PLXDC2: variants seen among roughly 807,000 people sequenced by gnomAD.
The protein encoded by PLXDC2 is plexin domain-containing protein 2.
Under a neutral mutation model 68.9 loss-of-function variants are expected in PLXDC2, and 40 were observed. The ratio of observed to expected loss-of-function variants is 0.58; its 90% CI spans 0.45 to 0.76. PLXDC2 has a LOEUF of 0.76. PLXDC2 is among the 30% of genes least tolerant of loss of function. The pLI is 0.00. For synonymous variants in PLXDC2, 243 were observed against 234.2 expected, an observed-to-expected ratio of 1.04 and a Z score of -0.34; for missense variants, 644 against 661.9, an observed-to-expected ratio of 0.97 and a Z score of 0.30.
At chr10:20,057,918 G>A (rs1836027162) in intron 3 of PLXDC2, among the ~76,000 whole-genome samples, 1 of 135,634 alleles carries the variant, frequency 7.4e-6, no homozygotes. Context: ...ACACGAATCT[G>A]CATTAAAAAA....
chr10:20,021,901 G>A (rs1178828792), intron 2 of PLXDC2, among the ~76,000 whole-genome samples: 5 of 151,916 alleles, frequency 3.3e-5, no homozygotes, highest in South Asian at 2.1e-4. Context: ...GCTTCACCAC[G>A]TTGGTCAGGC....
At chr10:20,064,730 T>C (rs1355297391) in intron 3 of PLXDC2, among the ~76,000 whole-genome samples, 2 of 152,174 alleles carry the variant, frequency 1.3e-5, no homozygotes, top group African/African-American at 4.8e-5. Flanking sequence ...CTAGAAATCT[T>C]AGAAACCTGT....
chr10:19,979,595 C>T (rs1399894805), intron 1 of PLXDC2, among the ~76,000 whole-genome samples: 1 of 152,170 alleles, frequency 6.6e-6, no homozygotes, highest in Non-Finnish European at 1.5e-5. Context: ...TGGTCTTGAA[C>T]TCCTGAACTC....
At position 20,282,171 on chromosome 10, in the gene PLXDC2, G is replaced by A. The variant is rs921466921; in HGVS notation, c.*2352G>A. 3.9e-5 allele frequency: 6 copies of A among 152,274 alleles called. No individual in the cohort carries two copies. The highest frequency in any genetic ancestry group is 1.9e-4 in the East Asian group (1 of 5,174). The allele number at this position is 152,274 out of a possible 1,614,324, so 9.4% of individuals were successfully genotyped here. ...AGAGAAAACTTCTTGAAACTGGAGTGTGGGAAAACTTCTTAACAGAACTAA... is the reference window on the plus strand; with the variant it reads ...AGAGAAAACTTCTTGAAACTGGAGTATGGGAAAACTTCTTAACAGAACTAA... On this transcript the variant is annotated 3_prime_UTR_variant, in exon 14 of 14. Transcript: ENST00000377252.
rs992600847 is a variant in PLXDC2, at chr10:20,027,364, C to T, written c.325-19505C>T. Among the ~76,000 whole-genome samples the T allele has an allele frequency of 7.2e-5, 11 of 152,102 alleles. No homozygotes were observed. The East Asian group carries it at 2.1e-3, about 29-fold the overall frequency. Reference sequence around the variant, plus strand: ...AAAGGGTGTGAATCACTGGATTCATCCCCTTCTCTCCTTCTCATTGTGAGG... The same window carrying T: ...AAAGGGTGTGAATCACTGGATTCATTCCCTTCTCTCCTTCTCATTGTGAGG... On this transcript the variant is annotated intron_variant, in intron 2 of 13. Coordinates refer to ENST00000377252, the MANE Select transcript of PLXDC2 (RefSeq NM_032812.9).
intron 4 of PLXDC2, among the ~76,000 whole-genome samples, chr10:20,128,320 A>G (rs1833819814): frequency 6.6e-6 from 1 of 152,164 alleles, no homozygotes; most frequent in South Asian, 2.1e-4. Context: ...CCCATGTAGG[A>G]GTAAGACTTT....
At chr10:20,079,788 T>G (rs1448502166) in intron 4 of PLXDC2, among the ~76,000 whole-genome samples, 1 of 150,254 alleles carries the variant, frequency 6.7e-6, no homozygotes, top group Non-Finnish European at 1.5e-5. Context: ...CGTCAGGGGG[T>G]AGGGGACAAG....
chr10:20,188,845 G>C (rs1834720637), intron 9 of PLXDC2, among the ~76,000 whole-genome samples: 1 of 151,816 alleles, frequency 6.6e-6, no homozygotes, highest in East Asian at 1.9e-4. Flanking sequence ...TTAGTTCTGA[G>C]TTGATATTAA....
chr10:20,280,603 T>TTATG lies in PLXDC2; in HGVS notation c.*785_*788dup. ...CTGCCTCAGCATGAAAACATCTGAT[T>TTATG]TATGCTTTATGGAAGCCTTACCTCC... On this transcript the variant is annotated 3_prime_UTR_variant, in exon 14 of 14. Transcript: ENST00000377252. 6.6e-6 allele frequency: 1 copy of TTATG among 152,116 alleles called. No homozygotes were observed. The highest frequency in any genetic ancestry group is 1.5e-5 in the Non-Finnish European group (1 of 68,018). The allele number at this position is 152,116 out of a possible 1,614,324, so 9.4% of individuals were successfully genotyped here. A position where few individuals can be genotyped will look rare whatever the true frequency, so the allele number is the denominator to read the frequency against.
intron 1 of PLXDC2, among the ~76,000 whole-genome samples, chr10:19,893,473 C>G (rs1204933496): frequency 6.6e-6 from 1 of 152,130 alleles, no homozygotes; most frequent in African/African-American, 2.4e-5. Flanking sequence ...TCGTAAATGT[C>G]TTTAGAAAGT....
chr10:20,173,585 C>G (rs1238275484), intron 7 of PLXDC2, among the ~76,000 whole-genome samples: 1 of 152,088 alleles, frequency 6.6e-6, no homozygotes, highest in Non-Finnish European at 1.5e-5. Context: ...CTTAAGCTTT[C>G]GATCACATTT....
chr10:20,067,902 G>A (rs1280413377), intron 3 of PLXDC2, among the ~76,000 whole-genome samples: 1 of 151,958 alleles, frequency 6.6e-6, no homozygotes, highest in African/African-American at 2.4e-5. Flanking sequence ...CTCAGAATAA[G>A]TTGCTCATCA....
At chr10:19,881,032 A>G (rs1837716845) in intron 1 of PLXDC2, among the ~76,000 whole-genome samples, 1 of 152,182 alleles carries the variant, frequency 6.6e-6, no homozygotes, top group Non-Finnish European at 1.5e-5. Context: ...GCCTGCCTAC[A>G]TCTTTGAACG....
intron 4 of PLXDC2, among the ~76,000 whole-genome samples, chr10:20,098,381 G>GTA (rs1554766430): frequency 5.9e-5 from 9 of 151,660 alleles, no homozygotes; most frequent in South Asian, 2.1e-4. Context: ...GTGTGTGTGT[G>GTA]TGTATGTATG....
At chr10:20,227,815 A>G (rs1222703651) in intron 12 of PLXDC2, among the ~76,000 whole-genome samples, 1 of 152,152 alleles carries the variant, frequency 6.6e-6, no homozygotes. Context: ...AGAGGCCAGA[A>G]AATCTAGTTA....
At chr10:20,193,051 C>T (rs772999232) in intron 9 of PLXDC2, among the ~76,000 whole-genome samples, 3 of 152,012 alleles carry the variant, frequency 2.0e-5, no homozygotes. Flanking sequence ...TTATATGGCC[C>T]CCTTCCCTAG....
At chr10:20,245,264 A>G in intron 12 of PLXDC2, 81 bp from the exon 13 acceptor site, 2 of 1,452,558 alleles carry the variant, frequency 1.4e-6, no homozygotes, top group South Asian at 3.0e-5. Context: ...ACTTTATTAA[A>G]AACACAAATA....
At chr10:20,228,600 A>AAGGG (rs1193088918) in intron 12 of PLXDC2, among the ~76,000 whole-genome samples, 2 of 149,572 alleles carry the variant, frequency 1.3e-5, no homozygotes, top group African/African-American at 2.5e-5. Flanking sequence ...GGCAGGAAGG[A>AAGGG]AGGAAGGAAG....
chr10:20,201,691 G>T (rs1005844263), intron 9 of PLXDC2, among the ~76,000 whole-genome samples: 1 of 151,954 alleles, frequency 6.6e-6, no homozygotes, highest in Non-Finnish European at 1.5e-5. Flanking sequence ...AACCTAATCT[G>T]ATCACTATAC....
Sources: allele counts gnomAD v4.1 joint callset (sites outside exome capture counted in the v4.1 genomes callset), GRCh38; gene constraint gnomAD v4.1.1; transcripts MANE v1.5; gene names NCBI Gene and HGNC (gene_info 2026-07-23, HGNC 2026-07-21).